CPLANE1: variants seen among roughly 807,000 people sequenced by gnomAD.
CPLANE1 encodes ciliogenesis and planar polarity effector complex subunit 1.
A neutral mutation model predicts 362.5 loss-of-function variants in CPLANE1; 263 were observed. The observed-to-expected ratio is 0.73, with a 90% CI of 0.66 to 0.80. The LOEUF is 0.80. Ranked by LOEUF, CPLANE1 falls within the 30% of genes least tolerant of loss-of-function variation. The pLI is 0.00. For missense variants in CPLANE1, 3,461 were observed against 3,793.4 expected (o/e 0.91, Z 2.30); for synonymous variants, 1,212 against 1,302.6 (o/e 0.93, Z 1.50).
the CPLANE1 span, among the ~76,000 whole-genome samples, chr5:37,083,750 C>CA: frequency 1.3e-5 from 2 of 152,146 alleles, no homozygotes; most frequent in Non-Finnish European, 2.9e-5. Context: ...GAAATGTGAA[C>CA]AAAGCCTCCA....
chr5:37,217,556 G>A (rs1273876136), intron 15 of CPLANE1, among the ~76,000 whole-genome samples: 5 of 151,996 alleles, frequency 3.3e-5, no homozygotes, highest in African/African-American at 9.7e-5. Flanking sequence ...GCAGTGAGCC[G>A]AGACTGCGCC....
At chr5:37,120,366 A>C in intron 49 of CPLANE1, 26 bp from the exon 50 acceptor site, 3 of 1,534,648 alleles carry the variant, frequency 2.0e-6, no homozygotes, top group Non-Finnish European at 2.6e-6. Flanking sequence ...CATAATTATT[A>C]CATTCCCAGA....
chr5:37,224,932 T>C (rs1580876900), intron 12 of CPLANE1, among the ~76,000 whole-genome samples, 192 bp from the exon 13 acceptor site: 3 of 151,210 alleles, frequency 2.0e-5, no homozygotes, highest in African/African-American at 7.3e-5. Flanking sequence ...ATAAATATTT[T>C]AAGCACCTGT....
At chr5:37,207,669 T>C (rs925828441) in intron 16 of CPLANE1, among the ~76,000 whole-genome samples, 1 of 152,226 alleles carries the variant, frequency 6.6e-6, no homozygotes, top group Non-Finnish European at 1.5e-5. Context: ...GTTCTACGAC[T>C]GATTATATTT....
In CPLANE1 at chr5:37,129,101, C is replaced by G. The variant is rs184026988; in HGVS notation, c.8793-3692G>C. On this transcript the variant is annotated intron_variant, in intron 46 of 52. Coordinates refer to ENST00000651892, the MANE Select transcript of CPLANE1 (RefSeq NM_001384732.1). ...AGAATAGAGAACCCAGAAATAAACC[C>G]AAATACTTACAGCCAACTGATCTTT... 3.2e-3 allele frequency among the ~76,000 whole-genome samples: 493 copies of G among 152,182 alleles called. 8 individuals carry two copies. Among genetic ancestry groups the G allele is most frequent in the African/African-American group, 0.011 (477 of 41,526 alleles).
chr5:37,148,073 C>A, intron 43 of CPLANE1, 108 bp downstream of exon 43: 1 of 585,276 alleles, frequency 1.7e-6, no homozygotes, highest in Non-Finnish European at 2.8e-6. Context: ...ATGACTTCAG[C>A]TCACATAATG....
Position 37,107,160 on chromosome 5 carries a change from G to A in CPLANE1, c.*442C>T, listed in dbSNP as rs933603791. Reference sequence around the variant, plus strand: ...CCCTGCATAGGTGTTTTAAAATAGGGTTCATAATTGAGTTCTCAGGTGAGA... The same window carrying A: ...CCCTGCATAGGTGTTTTAAAATAGGATTCATAATTGAGTTCTCAGGTGAGA... On this transcript the variant is annotated 3_prime_UTR_variant, in exon 53 of 53. Transcript: ENST00000651892. 1.1e-5 allele frequency: 11 copies of A among 985,284 alleles called. No homozygotes were observed. The highest frequency in any genetic ancestry group is 7.0e-5 in the African/African-American group (4 of 57,322). The allele number at this position is 985,284 out of a possible 1,614,324, so 61.0% of individuals were successfully genotyped here. A position where few individuals can be genotyped will look rare whatever the true frequency, so the allele number is the denominator to read the frequency against.
At chr5:37,075,805 A>AT in the CPLANE1 span, among the ~76,000 whole-genome samples, 2 of 152,208 alleles carry the variant, frequency 1.3e-5, no homozygotes, top group South Asian at 2.1e-4. Flanking sequence ...TGGGTCGAGT[A>AT]TTTGGCAAGG....
intron 21 of CPLANE1, among the ~76,000 whole-genome samples, chr5:37,192,335 G>A (rs1785773318): frequency 6.6e-6 from 1 of 152,102 alleles, no homozygotes; most frequent in Admixed American, 6.6e-5. Flanking sequence ...TGAACTCCTA[G>A]GCTCAAGCAA....
chr5:37,217,348 G>T (rs193041597), intron 15 of CPLANE1, among the ~76,000 whole-genome samples: 325 of 152,264 alleles, frequency 2.1e-3, no homozygotes, highest in Admixed American at 5.6e-3. Flanking sequence ...GCTCATGCCT[G>T]TAATCCCAGC....
intron 12 of CPLANE1, 121 bp downstream of exon 12, chr5:37,226,183 A>T: frequency 1.5e-6 from 1 of 658,314 alleles, no homozygotes; most frequent in Non-Finnish European, 2.4e-6. Context: ...ATATACTAAC[A>T]AACACTGAAT....
At chr5:37,225,084 C>T (rs189799883) in intron 12 of CPLANE1, among the ~76,000 whole-genome samples, 1 of 151,216 alleles carries the variant, frequency 6.6e-6, no homozygotes, top group East Asian at 2.0e-4. Flanking sequence ...TGCACTCCAG[C>T]CTGGGAGACA....
chr5:37,188,247 T>A (rs1299073934), intron 21 of CPLANE1, among the ~76,000 whole-genome samples: 1 of 152,210 alleles, frequency 6.6e-6, no homozygotes, highest in African/African-American at 2.4e-5. Context: ...AATATGGTGT[T>A]CCATTGTATG....
At chr5:37,226,262 A>C in intron 12 of CPLANE1, 42 bp downstream of exon 12, 1 of 1,342,002 alleles carries the variant, frequency 7.5e-7, no homozygotes, top group Non-Finnish European at 9.8e-7. Flanking sequence ...AGTAAAAAAA[A>C]CTAAGCTAAT....
chr5:37,109,846 G>A (rs1758612785), intron 51 of CPLANE1, among the ~76,000 whole-genome samples: 2 of 152,034 alleles, frequency 1.3e-5, no homozygotes, highest in African/African-American at 4.8e-5. Flanking sequence ...TAGTAGAGAT[G>A]GGGTTTCACC....
At position 37,187,694 on chromosome 5, in the gene CPLANE1, A is replaced by C. The variant is rs1784439092; in HGVS notation, c.3921+39T>G. On this transcript the variant is annotated intron_variant, in intron 22 of 52. Coordinates refer to ENST00000651892, the MANE Select transcript of CPLANE1 (RefSeq NM_001384732.1). ...CTTTTAAACAATAATTTCCCACTTAACGTGTGTTCATTTTTCTTATTTTTG... is the reference window on the plus strand; with the variant it reads ...CTTTTAAACAATAATTTCCCACTTACCGTGTGTTCATTTTTCTTATTTTTG... The C allele has an allele frequency of 3.8e-6, 6 of 1,576,932 alleles. No individual in the cohort carries two copies. In the East Asian group the frequency reaches 1.4e-4, roughly 36 times the overall value.
chr5:37,112,456 C>T lies in CPLANE1; in HGVS notation c.9400+2504G>A, dbSNP rs531148254. 9.2e-5 allele frequency among the ~76,000 whole-genome samples: 14 copies of T among 152,268 alleles called. No individual in the cohort carries two copies. The South Asian group carries it at 2.5e-3, about 27-fold the overall frequency. On this transcript the variant is annotated intron_variant, in intron 51 of 52. Coordinates refer to ENST00000651892, the MANE Select transcript of CPLANE1 (RefSeq NM_001384732.1). Reference sequence around the variant, plus strand: ...ATAAGACTTTTCAAGGTAAAGTGTACCTGCCCCACTGGACAGTGAAAGCTT... The same window carrying T: ...ATAAGACTTTTCAAGGTAAAGTGTATCTGCCCCACTGGACAGTGAAAGCTT...
At chr5:37,173,251 C>CAAGAAATATGGAT (rs1317741337) in intron 32 of CPLANE1, among the ~76,000 whole-genome samples, 4 of 152,196 alleles carry the variant, frequency 2.6e-5, no homozygotes, top group South Asian at 2.1e-4. Flanking sequence ...AACTCAAGCA[C>CAAGAAATATGGAT]AAGAAATATG....
At chr5:37,139,430 T>C in intron 44 of CPLANE1, 60 bp from the exon 45 acceptor site, 1 of 1,114,990 alleles carries the variant, frequency 9.0e-7, no homozygotes, top group Non-Finnish European at 1.2e-6. Flanking sequence ...CAATTGTTAA[T>C]CTAATTTAGA....
Sources: gnomAD v4.1 joint callset for allele counts (sites outside exome capture counted in the v4.1 genomes callset) on GRCh38, gnomAD v4.1.1 for gene constraint, MANE v1.5 for transcripts, NCBI Gene and HGNC (gene_info 2026-07-23, HGNC 2026-07-21) for gene names.